The following TNC variants were observed in gnomAD, a reference collection of about 807,000 sequenced individuals.
TNC encodes tenascin.
TNC carries 109 observed loss-of-function variants against 202.4 expected under a neutral mutation model. The ratio of observed to expected loss-of-function variants is 0.54; its 90% CI spans 0.46 to 0.63. The LOEUF (loss-of-function observed/expected upper bound fraction) is 0.63, where lower values mean the gene tolerates loss of function less well. Ranked by LOEUF, TNC falls within the 30% of genes least tolerant of loss-of-function variation. The pLI is 0.00. For missense variants in TNC, 2,756 were observed against 2,833.3 expected (o/e 0.97, Z 0.62); for synonymous variants, 1,007 against 1,089.7 (o/e 0.92, Z 1.50).
chr9:115,035,566 T>G, intron 21 of TNC: 1 of 472,310 alleles, frequency 2.1e-6, no homozygotes, highest in East Asian at 3.9e-5. Context: ...TGGCCTTGGT[T>G]GGATTTAGAG....
chr9:115,043,128 T>A (rs1404207397), intron 17 of TNC, among the ~76,000 whole-genome samples: 1 of 152,152 alleles, frequency 6.6e-6, no homozygotes, highest in Non-Finnish European at 1.5e-5. Flanking sequence ...TTGGCTGCGA[T>A]TTTTGCCCTC....
intron 22 of TNC, among the ~76,000 whole-genome samples, chr9:115,032,669 C>A (rs979833610): frequency 6.6e-6 from 1 of 152,178 alleles, no homozygotes; most frequent in African/African-American, 2.4e-5. Flanking sequence ...GTTTGGGGAT[C>A]TCTTGAGTTA....
At chr9:115,100,488 T>G (rs920570472) in intron 1 of TNC, among the ~76,000 whole-genome samples, 1 of 152,216 alleles carries the variant, frequency 6.6e-6, no homozygotes, top group African/African-American at 2.4e-5. Flanking sequence ...AGAGAATAAC[T>G]GAATTGAAAC....
At chr9:115,056,822 T>C (rs963256141) in intron 15 of TNC, among the ~76,000 whole-genome samples, 13 of 152,230 alleles carry the variant, frequency 8.5e-5, no homozygotes, top group Admixed American at 8.5e-4. Context: ...GGCAGACATC[T>C]TTCAAAGTCA....
intron 17 of TNC, 67 bp downstream of exon 17, chr9:115,046,343 C>T (rs940432779): frequency 3.3e-5 from 52 of 1,563,036 alleles, no homozygotes; most frequent in Non-Finnish European, 4.3e-5. Context: ...TGTGATTACT[C>T]AGCCCTGTGA....
intron 10 of TNC, among the ~76,000 whole-genome samples, chr9:115,068,448 T>C (rs1833115552): frequency 6.6e-6 from 1 of 152,196 alleles, no homozygotes; most frequent in Non-Finnish European, 1.5e-5. Context: ...CACTTCAGCG[T>C]CCACTTAGGG....
chr9:115,020,602 G>A lies in TNC; in HGVS notation c.*555C>T. 1 of 348,440 alleles carries A rather than the reference G, an allele frequency of 2.9e-6. No individual in the cohort carries two copies. Among genetic ancestry groups the A allele is most frequent in the Admixed American group, 3.5e-5 (1 of 28,558 alleles). 21.6% of individuals were successfully genotyped at this position (348,440 alleles called of 1,614,324 possible). A position where few individuals can be genotyped will look rare whatever the true frequency, so the allele number is the denominator to read the frequency against. On this transcript the variant is annotated 3_prime_UTR_variant, in exon 28 of 28. Transcript: ENST00000350763. Reference sequence around the variant, plus strand: ...GTACTGTCCAGAAATGTTTTGGAAAGAAAGATCTCTTGAAAAATCCTTAGT... The same window carrying A: ...GTACTGTCCAGAAATGTTTTGGAAAAAAAGATCTCTTGAAAAATCCTTAGT...
At chr9:115,041,197 C>T (rs1350355140) in intron 18 of TNC, 113 bp from the exon 19 acceptor site, 7 of 1,232,400 alleles carry the variant, frequency 5.7e-6, no homozygotes, top group African/African-American at 1.5e-5. Context: ...CTTCATCAAA[C>T]ACCACTTTCT....
intron 1 of TNC, among the ~76,000 whole-genome samples, chr9:115,104,495 A>T (rs1836466642): frequency 6.6e-6 from 1 of 152,196 alleles, no homozygotes; most frequent in Admixed American, 6.5e-5. Flanking sequence ...TTGCCTTTAG[A>T]GTCAGGAAGA....
At chr9:115,031,896 C>T (rs542099573) in intron 22 of TNC, among the ~76,000 whole-genome samples, 3 of 152,210 alleles carry the variant, frequency 2.0e-5, no homozygotes, top group South Asian at 2.1e-4. Context: ...GGTCCTTGGG[C>T]CAGAAGGTGC....
chr9:115,035,080 A>ATT (rs3215885), intron 22 of TNC, 124 bp downstream of exon 22: 15,966 of 835,342 alleles, frequency 0.019, 42 homozygotes, highest in South Asian at 0.069. Context: ...GTCTCTACTA[A>ATT]TTTTTTTTTT....
intron 1 of TNC, among the ~76,000 whole-genome samples, chr9:115,109,342 A>C (rs1172347394): frequency 6.6e-6 from 1 of 152,340 alleles, no homozygotes; most frequent in South Asian, 2.1e-4. Context: ...AGGTGCTACT[A>C]CTTTGCTTTT....
intron 5 of TNC, 108 bp from the exon 6 acceptor site, chr9:115,082,036 T>C (rs1165843790): frequency 9.3e-7 from 1 of 1,080,898 alleles, no homozygotes; most frequent in Non-Finnish European, 1.3e-6. Flanking sequence ...CTTTCATCGA[T>C]TCATTAGGCA....
At chr9:115,107,478 G>T (rs1836706087) in intron 1 of TNC, among the ~76,000 whole-genome samples, 1 of 152,144 alleles carries the variant, frequency 6.6e-6, no homozygotes, top group Non-Finnish European at 1.5e-5. Context: ...ACATTTTGTT[G>T]AGTGCCTATT....
intron 18 of TNC, among the ~76,000 whole-genome samples, chr9:115,041,436 T>A (rs1239143863): frequency 6.6e-6 from 1 of 152,202 alleles, no homozygotes; most frequent in Non-Finnish European, 1.5e-5. Context: ...TACTATGTAA[T>A]GTATGTCAGA....
chr9:115,065,310 C>G (rs6478130), intron 10 of TNC, among the ~76,000 whole-genome samples: 1 of 151,996 alleles, frequency 6.6e-6, no homozygotes. Context: ...GCAGGAGAAT[C>G]GCTTGAACAC....
chr9:115,042,124 A>C, intron 18 of TNC, 95 bp downstream of exon 18: 1 of 1,489,844 alleles, frequency 6.7e-7, no homozygotes, highest in Non-Finnish European at 9.0e-7. Context: ...TTCTTTGATC[A>C]TGATGTTAGA....
Position 115,090,675 on chromosome 9 carries a change from G to A in TNC, c.344C>T (p.Ala115Val), listed in dbSNP as rs747474311. Residue 115 changes from alanine (A) to valine (V), a missense_variant, in exon 2 of 28, where the codon GCA becomes GTA. By Grantham distance (64) the Ala-to-Val change is moderately conservative. Transcript: ENST00000350763. ...NIPRRACGCAAAPDVKELLSR... is the reference protein window; with the variant it reads ...NIPRRACGCAVAPDVKELLSR... ...CAGCAGCTCCTTAACATCAGGGGCTGCGGCACAGCCACAGGCCCGGCGGGG... is the reference window on the plus strand; with the variant it reads ...CAGCAGCTCCTTAACATCAGGGGCTACGGCACAGCCACAGGCCCGGCGGGG... 32 of 1,614,034 alleles carry A rather than the reference G, an allele frequency of 2.0e-5. No individual in the cohort carries two copies. Among genetic ancestry groups the A allele is most frequent in the Non-Finnish European group, 2.3e-5 (27 of 1,180,004 alleles).
chr9:115,076,307 T>A (rs1833846964), intron 8 of TNC, 83 bp downstream of exon 8: 16 of 1,511,276 alleles, frequency 1.1e-5, no homozygotes, highest in Non-Finnish European at 1.5e-5. Flanking sequence ...GGGTTGCAAA[T>A]GGGGACATGT....
Sources: allele counts gnomAD v4.1 joint callset (sites outside exome capture counted in the v4.1 genomes callset), GRCh38; gene constraint gnomAD v4.1.1; transcripts MANE v1.5; gene names NCBI Gene and HGNC (gene_info 2026-07-23, HGNC 2026-07-21).